G3BP2: variants seen among roughly 807,000 people sequenced by gnomAD.
G3BP2 encodes the protein G3BP stress granule assembly factor 2, also known as ras GTPase-activating protein-binding protein 2.
G3BP2 carries 11 observed loss-of-function variants against 56.7 expected under a neutral mutation model. The observed-to-expected ratio is 0.19, with a 90% CI of 0.12 to 0.32. The LOEUF is 0.32. Among genes scored for constraint, G3BP2 ranks in the 10% least tolerant of loss-of-function variants. G3BP2 has a pLI of 1.00. For missense variants in G3BP2, 340 were observed against 610.9 expected (o/e 0.56, Z 4.67); for synonymous variants, 165 against 191.6 (o/e 0.86, Z 1.15).
chr4:75,667,402 GGTTGTTA>G (rs1173235291), intron 1 of G3BP2, among the ~76,000 whole-genome samples: 1 of 151,886 alleles, frequency 6.6e-6, no homozygotes, highest in African/African-American at 2.4e-5. Context: ...TCAATAAGGT[GGTTGTTA>G]GCCTCACCTA....
chr4:75,673,592 A>AGCCGGGGAACCGGAAC, upstream of G3BP2: 1 of 1,231,878 alleles, frequency 8.1e-7, no homozygotes, highest in Non-Finnish European at 1.0e-6. Flanking sequence ...GCGCCCGGAA[A>AGCCGGGGAACCGGAAC]GCCGGGGAAC....
chr4:75,665,557 GC>G (rs1412154917), intron 1 of G3BP2, among the ~76,000 whole-genome samples: 1 of 151,902 alleles, frequency 6.6e-6, no homozygotes, highest in Non-Finnish European at 1.5e-5. Context: ...ACCAGCCTGG[GC>G]AACAAGGCAA....
At chr4:75,676,779 A>G (rs1250895627), upstream of G3BP2, among the ~76,000 whole-genome samples, 1 of 152,180 alleles carries the variant, frequency 6.6e-6, no homozygotes, top group Non-Finnish European at 1.5e-5. Context: ...CAGCAGCCAG[A>G]TCTTTCATAG....
At chr4:75,658,293 C>T (rs1732266123) in intron 3 of G3BP2, among the ~76,000 whole-genome samples, 1 of 152,072 alleles carries the variant, frequency 6.6e-6, no homozygotes, top group African/African-American at 2.4e-5. Flanking sequence ...CGTAATATAA[C>T]ACCATGTTTC....
chr4:75,658,986 C>T, intron 2 of G3BP2, 62 bp from the exon 3 acceptor site: 1 of 1,265,344 alleles, frequency 7.9e-7, no homozygotes, highest in Non-Finnish European at 1.2e-6. Flanking sequence ...AAGCAGAATT[C>T]TGGTGTCATA....
intron 3 of G3BP2, among the ~76,000 whole-genome samples, chr4:75,706,291 G>A (rs1431094569): frequency 6.6e-6 from 1 of 152,122 alleles, no homozygotes; most frequent in East Asian, 1.9e-4. Context: ...TGTTGACCAG[G>A]CTGTCTTTAA....
At chr4:75,704,012 G>GT (rs11315970) in intron 3 of G3BP2, among the ~76,000 whole-genome samples, 28 of 138,952 alleles carry the variant, frequency 2.0e-4, no homozygotes, top group East Asian at 2.1e-4. Context: ...TCTATGAAAG[G>GT]TTTTTTTTTT....
At chr4:75,720,796 A>AAAATAAAT (rs150099549) in intron 3 of G3BP2, among the ~76,000 whole-genome samples, 19,544 of 131,930 alleles carry the variant, frequency 0.15, 1,807 homozygotes, top group East Asian at 0.39. Flanking sequence ...GCTCCATCTC[A>AAAATAAAT]AAATAAATAA....
chr4:75,693,742 T>TCGCA (rs1229956182), intron 3 of G3BP2, among the ~76,000 whole-genome samples: 8 of 149,814 alleles, frequency 5.3e-5, no homozygotes, highest in Non-Finnish European at 1.0e-4. Context: ...TGAGCCAAGA[T>TCGCA]CGCACCACTG....
intron 9 of G3BP2, 62 bp from the exon 10 acceptor site, chr4:75,647,219 G>A (rs981865997): frequency 9.0e-7 from 1 of 1,105,322 alleles, no homozygotes; most frequent in East Asian, 2.6e-5. Context: ...CTTCAAAGGA[G>A]TGAATGTAAA....
chr4:75,690,615 C>T (rs1464468061), intron 3 of G3BP2, among the ~76,000 whole-genome samples: 1 of 151,986 alleles, frequency 6.6e-6, no homozygotes, highest in Non-Finnish European at 1.5e-5. Flanking sequence ...TCTGTCGCCC[C>T]CACTGGAGTA....
At chr4:75,705,631 G>A (rs1171550982) in intron 3 of G3BP2, among the ~76,000 whole-genome samples, 3 of 152,308 alleles carry the variant, frequency 2.0e-5, no homozygotes, top group East Asian at 3.9e-4. Context: ...AGGCTGGGAA[G>A]GAGAGTGAGG....
chr4:75,658,501 C>T (rs924325016), intron 3 of G3BP2, among the ~76,000 whole-genome samples: 22 of 151,252 alleles, frequency 1.5e-4, no homozygotes, highest in African/African-American at 4.6e-4. Context: ...GAGGCTGAGG[C>T]GGGCAGATCA....
chr4:75,675,361 T>TCAC, upstream of G3BP2, among the ~76,000 whole-genome samples: 1 of 152,316 alleles, frequency 6.6e-6, no homozygotes. Context: ...TGCACCGAAA[T>TCAC]CACCTGTAGG....
chr4:75,705,366 G>A (rs1339282100), intron 3 of G3BP2, among the ~76,000 whole-genome samples: 2 of 152,348 alleles, frequency 1.3e-5, no homozygotes, highest in African/African-American at 4.8e-5. Context: ...AGTAAATCAT[G>A]TTTTACCATT....
chr4:75,682,378 T>C (rs933458422), intron 3 of G3BP2, among the ~76,000 whole-genome samples: 1 of 146,380 alleles, frequency 6.8e-6, no homozygotes. Context: ...ATTGTGCCAC[T>C]GCACTCCGGC....
rs768234691 is a variant in G3BP2, at chr4:75,645,386, G to A, written c.*44C>T. On this transcript the variant is annotated 3_prime_UTR_variant, in exon 12 of 12. Transcript: ENST00000359707. The stretch of plus-strand genomic sequence containing the variant: ...AAAAAATTAACAAGAATGCAAACAC[G>A]ATGAATAATGTACCACTGCCAAGAC... 9 of 1,543,730 alleles carry A rather than the reference G, an allele frequency of 5.8e-6. No homozygotes were observed. The South Asian group carries it at 1.1e-4, about 19-fold the overall frequency.
chr4:75,662,183 G>C, intron 1 of G3BP2, 134 bp from the exon 2 acceptor site: 1 of 547,116 alleles, frequency 1.8e-6, no homozygotes, highest in Non-Finnish European at 3.3e-6. Flanking sequence ...ATGTTAATAA[G>C]TTCTGATAAC....
At chr4:75,661,805 A>C (rs1157233107) in intron 2 of G3BP2, 126 bp downstream of exon 2, 3 of 582,618 alleles carry the variant, frequency 5.1e-6, no homozygotes. Context: ...TAAAATATTG[A>C]ATACAGTTTA....
Sources: gnomAD v4.1 joint callset for allele counts (sites outside exome capture counted in the v4.1 genomes callset) on GRCh38, gnomAD v4.1.1 for gene constraint, MANE v1.5 for transcripts, NCBI Gene and HGNC (gene_info 2026-07-23, HGNC 2026-07-21) for gene names.